The following MAJIN variants were observed in gnomAD, a reference collection of about 807,000 sequenced individuals.
MAJIN encodes the protein membrane-anchored junction protein.
MAJIN carries 27 observed loss-of-function variants against 30.2 expected under a neutral mutation model. The ratio of observed to expected loss-of-function variants is 0.89; its 90% confidence interval spans 0.66 to 1.23. MAJIN has a LOEUF of 1.23. Among genes scored for constraint, MAJIN ranks in the 50% most tolerant of loss-of-function variants. MAJIN has a pLI of 0.00. For missense variants in MAJIN, 253 were observed against 260.3 expected, an observed-to-expected ratio of 0.97 and a Z score of 0.19; for synonymous variants, 78 against 91.6, an observed-to-expected ratio of 0.85 and a Z score of 0.85.
In MAJIN at chr11:64,947,784, T is replaced by A. The variant is rs1456369253; in HGVS notation, c.381+4A>T. 1 of 1,613,270 alleles carries A rather than the reference T, an allele frequency of 6.2e-7. No individual in the cohort carries two copies. The highest frequency in any genetic ancestry group is 1.7e-5 in the Admixed American group (1 of 59,980). On this transcript the variant is annotated splice_donor_region_variant and intron_variant, in intron 7 of 10. Transcript: ENST00000301896. Reference sequence around the variant, plus strand: ...TTCATTTTGTACAGAAAAGGCAAACTTACCAACCCAAGAGGACTGTCACTT... The same window carrying A: ...TTCATTTTGTACAGAAAAGGCAAACATACCAACCCAAGAGGACTGTCACTT...
chr11:64,938,392 C>T lies in MAJIN; in HGVS notation c.*183G>A. On this transcript the variant is annotated 3_prime_UTR_variant, in exon 11 of 11. Transcript: ENST00000301896. ...AGGGGCAAAGGACACGATAAAACCA[C>T]AGAGGACTCAGCATGGGGACCTCAT... The T allele has an allele frequency of 1.0e-6, 1 of 961,708 alleles. No individual in the cohort carries two copies. The highest frequency in any genetic ancestry group is 1.6e-6 in the Non-Finnish European group (1 of 634,722). 59.6% of individuals were successfully genotyped at this position (961,708 alleles called of 1,614,324 possible). A position where few individuals can be genotyped will look rare whatever the true frequency, so the allele number is the denominator to read the frequency against.
intron 1 of MAJIN, among the ~76,000 whole-genome samples, chr11:64,966,163 A>AAAAAAAC (rs1318606310): frequency 6.6e-6 from 1 of 150,656 alleles, no homozygotes; most frequent in Non-Finnish European, 1.5e-5. Context: ...AAAAAAAAAA[A>AAAAAAAC]AAGCAGCAGC....
At chr11:64,942,739 GGAA>G (rs1339496592) in intron 8 of MAJIN, among the ~76,000 whole-genome samples, 1 of 152,208 alleles carries the variant, frequency 6.6e-6, no homozygotes, top group Non-Finnish European at 1.5e-5. Flanking sequence ...ACTCTGGGGA[GGAA>G]GAAGACCATT....
intron 1 of MAJIN, among the ~76,000 whole-genome samples, chr11:64,965,465 A>C (rs576888063): frequency 7.2e-6 from 1 of 138,674 alleles, no homozygotes; most frequent in East Asian, 1.9e-4. Flanking sequence ...CTTTGCACTT[A>C]AGTTACTCTT....
chr11:64,940,678 AC>A, intron 8 of MAJIN, 32 bp from the exon 9 acceptor site: 1 of 1,589,786 alleles, frequency 6.3e-7, no homozygotes, highest in Non-Finnish European at 8.6e-7. Context: ...AAAGCCTTAA[AC>A]TTTCCTCCTA....
intron 1 of MAJIN, among the ~76,000 whole-genome samples, chr11:64,969,607 C>T (rs1945865736): frequency 6.6e-6 from 1 of 151,964 alleles, no homozygotes; most frequent in Admixed American, 6.6e-5. Context: ...CTGACAGTAG[C>T]CAGGTCTACA....
Position 64,954,819 on chromosome 11 carries a change from C to T in MAJIN, c.102-17G>A, listed in dbSNP as rs766321431. On this transcript the variant is annotated splice_polypyrimidine_tract_variant and intron_variant, in intron 3 of 10. Coordinates refer to ENST00000301896, the MANE Select transcript of MAJIN (RefSeq NM_001037225.3). ...TCTTCTCCTCTAGAAGGTAAACAGA[C>T]AAGAGACAAGTAAGACATGAAGGAA... 27 of 1,597,596 alleles carry T rather than the reference C, an allele frequency of 1.7e-5. No individual in the cohort carries two copies. Among genetic ancestry groups the T allele is most frequent in the Non-Finnish European group, 2.1e-5 (25 of 1,172,862 alleles).
chr11:64,949,887 G>C lies in MAJIN; in HGVS notation c.224-19C>G. The C allele has an allele frequency of 6.2e-7, 1 of 1,600,248 alleles. No individual in the cohort carries two copies. Among genetic ancestry groups the C allele is most frequent in the South Asian group, 1.1e-5 (1 of 91,038 alleles). ...CTTTTATCTGGAAAATGGTGCTAAG[G>C]AGTAAGGAAAGATGCCAGTATGCAT... is the stretch of plus-strand genomic sequence containing the variant. On this transcript the variant is annotated intron_variant, in intron 5 of 10. Transcript: ENST00000301896.
At chr11:64,964,955 G>C (rs560841738) in intron 1 of MAJIN, among the ~76,000 whole-genome samples, 6 of 152,134 alleles carry the variant, frequency 3.9e-5, no homozygotes, top group Non-Finnish European at 8.8e-5. Context: ...ATCCACATTT[G>C]CTTGTCATAA....
chr11:64,970,290 C>T (rs959417933), intron 1 of MAJIN, among the ~76,000 whole-genome samples: 1 of 147,844 alleles, frequency 6.8e-6, no homozygotes, highest in Non-Finnish European at 1.5e-5. Flanking sequence ...TTGAACCCAG[C>T]AGGCAGAGGT....
intron 1 of MAJIN, among the ~76,000 whole-genome samples, chr11:64,964,564 A>G (rs1945777112): frequency 6.6e-6 from 1 of 151,734 alleles, no homozygotes; most frequent in Admixed American, 6.6e-5. Context: ...AAGGCAATTC[A>G]TTCTGGATAC....
rs1945700437 is a variant in MAJIN, at chr11:64,960,139, T to TG, written c.-64-5dup. 1 of 152,134 alleles carries TG rather than the reference T, an allele frequency of 6.6e-6. No homozygotes were observed. Among genetic ancestry groups the TG allele is most frequent in the South Asian group, 2.1e-4 (1 of 4,822 alleles). 9.4% of individuals were successfully genotyped at this position (152,134 alleles called of 1,614,324 possible). On this transcript the variant is annotated splice_polypyrimidine_tract_variant and splice_region_variant and intron_variant, in intron 1 of 10. Transcript: ENST00000301896. ...CTCTGTCCACTTAAGGTCGTCTCTG[T>TG]GGGGAGTTAAGGGGAGAGATGGAAA... is the stretch of plus-strand genomic sequence containing the variant.
intron 3 of MAJIN, among the ~76,000 whole-genome samples, chr11:64,957,153 C>G (rs1344301235): frequency 6.6e-6 from 1 of 151,938 alleles, no homozygotes; most frequent in Non-Finnish European, 1.5e-5. Context: ...TCATGGCTAC[C>G]TGCAGCCTCA....
intron 8 of MAJIN, among the ~76,000 whole-genome samples, chr11:64,946,933 T>A (rs1339397832): frequency 2.6e-5 from 4 of 152,182 alleles, no homozygotes; most frequent in Admixed American, 2.6e-4. Context: ...TATATTTTAG[T>A]CTGGACTGCC....
intron 9 of MAJIN, 142 bp from the exon 10 acceptor site, chr11:64,939,909 C>A (rs1197752312): frequency 4.6e-6 from 3 of 645,214 alleles, no homozygotes; most frequent in Non-Finnish European, 7.7e-6. Context: ...TTTGTTCTGA[C>A]CTTCCCAATT....
In MAJIN at chr11:64,947,715, C is replaced by G; in HGVS notation, c.381+73G>C. ...CTGAGGGCAAAGTAAGGGGAAGAGG[C>G]AAGAGCAGGACTTTTTGGAAAAAAG... On this transcript the variant is annotated intron_variant, in intron 7 of 10. Transcript: ENST00000301896. The G allele has an allele frequency of 2.0e-6, 3 of 1,498,942 alleles. No homozygotes were observed. In the South Asian group the frequency reaches 3.4e-5, roughly 17 times the overall value. 92.9% of individuals were successfully genotyped at this position (1,498,942 alleles called of 1,614,324 possible).
At chr11:64,956,276 G>A (rs1945630065) in intron 3 of MAJIN, among the ~76,000 whole-genome samples, 2 of 151,940 alleles carry the variant, frequency 1.3e-5, no homozygotes, top group Admixed American at 6.6e-5. Flanking sequence ...TCCAGCCCGG[G>A]CAACAAGAAT....
intron 4 of MAJIN, among the ~76,000 whole-genome samples, chr11:64,952,211 G>T (rs1945563548): frequency 6.7e-6 from 1 of 150,280 alleles, no homozygotes; most frequent in Admixed American, 6.6e-5. Flanking sequence ...ATGAAGTTTT[G>T]TTCTTCTTGC....
chr11:64,958,247 GC>G (rs1945667333), intron 3 of MAJIN, among the ~76,000 whole-genome samples: 1 of 151,906 alleles, frequency 6.6e-6, no homozygotes, highest in Non-Finnish European at 1.5e-5. Context: ...ACTGTGCCTG[GC>G]CAAATTTTTG....
Sources: allele counts gnomAD v4.1 joint callset (sites outside exome capture counted in the v4.1 genomes callset), GRCh38; gene constraint gnomAD v4.1.1; transcripts MANE v1.5; gene names NCBI Gene and HGNC (gene_info 2026-07-23, HGNC 2026-07-21).